Variants in FBXO30 observed in about 807,000 individuals in gnomAD.
FBXO30 encodes F-box only protein 30.
A neutral mutation model predicts 58.1 loss-of-function variants in FBXO30; 21 were observed. The observed-to-expected ratio is 0.36, with a 90% confidence interval of 0.26 to 0.52. The LOEUF (loss-of-function observed/expected upper bound fraction) is 0.52. FBXO30 is among the 20% of genes least tolerant of loss of function. The pLI, the probability that FBXO30 is intolerant of heterozygous loss-of-function variation, is 0.93. For missense variants in FBXO30, 744 were observed against 897.3 expected (o/e 0.83, Z 2.18); for synonymous variants, 309 against 312.4 (o/e 0.99, Z 0.11).
chr6:145,800,282 A>G lies in FBXO30; in HGVS notation c.2062T>C (p.Ser688Pro), dbSNP rs1777956705. ...TCAGCAAATTTCCATTCATTAACAG[A>G]ACAAAATGCAGTACTAAATCGCCAT... ...KVWRFSTAFC[S>P]VNEWKFADIL... The change falls in exon 3 of 3, where the codon TCT becomes CCT. Residue 688 changes from serine (S) to proline (P), a missense_variant. Ser to Pro is a moderately conservative substitution (Grantham distance 74). This residue lies in a region of FBXO30 where 334 missense variants were observed against 433.7 expected (regional missense o/e 0.77). Transcript: ENST00000237281. 6.2e-7 allele frequency: 1 copy of G among 1,612,746 alleles called. No homozygotes were observed. Among genetic ancestry groups the G allele is most frequent in the Non-Finnish European group, 8.5e-7 (1 of 1,179,150 alleles).
rs1002829377 is a variant in FBXO30, at chr6:145,799,012, T to C, written c.*1094A>G. ...AAACTATAATAAACTACTTCAAGAA[T>C]AGGTATATTTTTCCATTATACCTTG... is the stretch of plus-strand genomic sequence containing the variant. On this transcript the variant is annotated 3_prime_UTR_variant, in exon 3 of 3. Coordinates refer to ENST00000237281, the MANE Select transcript of FBXO30 (RefSeq NM_032145.5). 1.6e-4 allele frequency: 24 copies of C among 151,966 alleles called. 1 individual carries two copies. The highest frequency in any genetic ancestry group is 1.5e-5 in the Non-Finnish European group (1 of 67,938). The allele number at this position is 151,966 out of a possible 1,614,324, so 9.4% of individuals were successfully genotyped here.
chr6:145,796,220 A>G lies in FBXO30; in HGVS notation c.*3886T>C, dbSNP rs1021878393. The G allele has an allele frequency of 2.6e-5, 4 of 152,142 alleles. No homozygotes were observed. The highest frequency in any genetic ancestry group is 2.0e-4 in the Admixed American group (3 of 15,278). 9.4% of individuals were successfully genotyped at this position (152,142 alleles called of 1,614,324 possible). A position where few individuals can be genotyped will look rare whatever the true frequency, so the allele number is the denominator to read the frequency against. ...ACTTTAATCTTTTAAATAAAGGGAA[A>G]TAATTATGTAAAAGATGACTTCAAA... On this transcript the variant is annotated 3_prime_UTR_variant, in exon 3 of 3. Coordinates refer to ENST00000237281, the MANE Select transcript of FBXO30 (RefSeq NM_032145.5).
chr6:145,797,641 A>G lies in FBXO30; in HGVS notation c.*2465T>C, dbSNP rs910483922. On this transcript the variant is annotated 3_prime_UTR_variant, in exon 3 of 3. Coordinates refer to ENST00000237281, the MANE Select transcript of FBXO30 (RefSeq NM_032145.5). ...CCACACTTTAGGAACCACTGCTGTA[A>G]GATCTGTGAGTCTCAAAATCTAGAA... is the stretch of plus-strand genomic sequence containing the variant. 6.6e-6 allele frequency: 1 copy of G among 152,162 alleles called. No individual in the cohort carries two copies. Among genetic ancestry groups the G allele is most frequent in the East Asian group, 1.9e-4 (1 of 5,180 alleles). The allele number at this position is 152,162 out of a possible 1,614,324, so 9.4% of individuals were successfully genotyped here.
At position 145,797,655 on chromosome 6, in the gene FBXO30, C is replaced by G. The variant is rs1344696284; in HGVS notation, c.*2451G>C. The G allele has an allele frequency of 2.0e-5, 3 of 151,890 alleles. No individual in the cohort carries two copies. The highest frequency in any genetic ancestry group is 7.2e-5 in the African/African-American group (3 of 41,426). The allele number at this position is 151,890 out of a possible 1,614,324, so 9.4% of individuals were successfully genotyped here. A position where few individuals can be genotyped will look rare whatever the true frequency, so the allele number is the denominator to read the frequency against. ...CCACTGCTGTAAGATCTGTGAGTCT[C>G]AAAATCTAGAAAAAAGAGTGAGAGA... On this transcript the variant is annotated 3_prime_UTR_variant, in exon 3 of 3. Coordinates refer to ENST00000237281, the MANE Select transcript of FBXO30 (RefSeq NM_032145.5).
At chr6:145,801,114 G>T (rs1391302089) in intron 2 of FBXO30, among the ~76,000 whole-genome samples, 1 of 152,030 alleles carries the variant, frequency 6.6e-6, no homozygotes, top group African/African-American at 2.4e-5. Flanking sequence ...CTTTACAAAT[G>T]AAACATAAAG....
intron 2 of FBXO30, among the ~76,000 whole-genome samples, chr6:145,802,101 T>A (rs1337870089): frequency 6.6e-6 from 1 of 152,044 alleles, no homozygotes; most frequent in Non-Finnish European, 1.5e-5. Context: ...GAATTTACAG[T>A]CTAGTGACTG....
chr6:145,803,458 C>T (rs17223456), intron 2 of FBXO30, among the ~76,000 whole-genome samples: 1,670 of 152,120 alleles, frequency 0.011, 13 homozygotes, highest in Admixed American at 0.017. Context: ...AAAGGTGCTA[C>T]GAATAAAGTA....
chr6:145,806,289 T>G lies in FBXO30; in HGVS notation c.117A>C (p.Ala39=). The G allele has an allele frequency of 1.2e-6, 2 of 1,614,026 alleles. No homozygotes were observed. Among genetic ancestry groups the G allele is most frequent in the South Asian group, 2.2e-5 (2 of 91,082 alleles). ...DLIGCPLVCG[A]VFHSCKADEH... is the part of the protein sequence containing the mutation. ...CATCAGCTTTACAAGAATGGAAAAC[T>G]GCACCACAAACCAATGGACAACCAA... The change falls in exon 2 of 3, where the codon GCA becomes GCC. Residue 39 remains alanine, a synonymous_variant. Coordinates refer to ENST00000237281, the MANE Select transcript of FBXO30 (RefSeq NM_032145.5).
At chr6:145,807,934 C>A (rs1778224293) in intron 1 of FBXO30, among the ~76,000 whole-genome samples, 1 of 151,740 alleles carries the variant, frequency 6.6e-6, no homozygotes, top group South Asian at 2.1e-4. Flanking sequence ...TCAAGACCAG[C>A]CTGGACAACA....
intron 1 of FBXO30, among the ~76,000 whole-genome samples, chr6:145,808,378 C>G (rs773803320): frequency 5.8e-4 from 88 of 152,178 alleles, no homozygotes; most frequent in Middle Eastern, 3.4e-3. Context: ...TCTTCCTTGG[C>G]CATTGTATCC....
At chr6:145,801,920 A>G (rs1476502584) in intron 2 of FBXO30, among the ~76,000 whole-genome samples, 1 of 152,140 alleles carries the variant, frequency 6.6e-6, no homozygotes, top group Non-Finnish European at 1.5e-5. Context: ...AAACAAACTC[A>G]GGAAAAGCAG....
In FBXO30 at chr6:145,796,478, A is replaced by T. The variant is rs1197664748; in HGVS notation, c.*3628T>A. 3 of 152,020 alleles carry T rather than the reference A, an allele frequency of 2.0e-5. No homozygotes were observed. Among genetic ancestry groups the T allele is most frequent in the Non-Finnish European group, 4.4e-5 (3 of 67,912 alleles). 9.4% of individuals were successfully genotyped at this position (152,020 alleles called of 1,614,324 possible). A position where few individuals can be genotyped will look rare whatever the true frequency, so the allele number is the denominator to read the frequency against. On this transcript the variant is annotated 3_prime_UTR_variant, in exon 3 of 3. Coordinates refer to ENST00000237281, the MANE Select transcript of FBXO30 (RefSeq NM_032145.5). Reference sequence around the variant, plus strand: ...GTAAGACTACTTAACAGCAACGTTTAGATAACCAGTCAAACACCTATCAGA... The same window carrying T: ...GTAAGACTACTTAACAGCAACGTTTTGATAACCAGTCAAACACCTATCAGA...
intron 2 of FBXO30, among the ~76,000 whole-genome samples, chr6:145,802,600 T>C (rs142307003): frequency 8.5e-5 from 13 of 152,298 alleles, no homozygotes; most frequent in African/African-American, 3.1e-4. Context: ...GGAGCTGGGC[T>C]CTATCCAGGG....
At position 145,794,421 on chromosome 6, in the gene FBXO30, A is replaced by G. The variant is rs998795904; in HGVS notation, c.*5685T>C. On this transcript the variant is annotated 3_prime_UTR_variant, in exon 3 of 3. Coordinates refer to ENST00000237281, the MANE Select transcript of FBXO30 (RefSeq NM_032145.5). Reference sequence around the variant, plus strand: ...TATTCAAACATTGATCAAATGAACAATACTACTTTAACATTTTAAGTGCAA... The same window carrying G: ...TATTCAAACATTGATCAAATGAACAGTACTACTTTAACATTTTAAGTGCAA... 1 of 151,986 alleles carries G rather than the reference A, an allele frequency of 6.6e-6. No homozygotes were observed. The highest frequency in any genetic ancestry group is 1.5e-5 in the Non-Finnish European group (1 of 67,858). The allele number at this position is 151,986 out of a possible 1,614,324, so 9.4% of individuals were successfully genotyped here.
intron 1 of FBXO30, among the ~76,000 whole-genome samples, chr6:145,806,704 T>C (rs554300524): frequency 5.3e-5 from 8 of 152,298 alleles, no homozygotes; most frequent in African/African-American, 1.9e-4. Flanking sequence ...TTTCAAAATA[T>C]ACTATTTAAA....
chr6:145,805,898 C>A lies in FBXO30; in HGVS notation c.508G>T (p.Gly170Cys). 1 of 1,613,990 alleles carries A rather than the reference C, an allele frequency of 6.2e-7. No homozygotes were observed. Among genetic ancestry groups the A allele is most frequent in the Non-Finnish European group, 8.5e-7 (1 of 1,179,964 alleles). The change falls in exon 2 of 3, where the codon GGT (glycine) becomes TGT (cysteine). Residue 170 changes from glycine to cysteine, a missense_variant. Coordinates refer to ENST00000237281, the MANE Select transcript of FBXO30 (RefSeq NM_032145.5). ...SSVPEIPHAN[G>C]LVSVDEESYG... is the part of the protein sequence containing the mutation. ...GATTCTTCATCAACAGACACTAAAC[C>A]ATTAGCATGTGGTATTTCTGGGACA...
rs1777927301 is a variant in FBXO30, at chr6:145,799,255, T to A, written c.*851A>T. On this transcript the variant is annotated 3_prime_UTR_variant, in exon 3 of 3. Transcript: ENST00000237281. ...ACATTTAATAGTCAAGCCCTTTGCA[T>A]TCTGAATATTTGAAATTTACACAAT... is the stretch of plus-strand genomic sequence containing the variant. 1 of 152,510 alleles carries A rather than the reference T, an allele frequency of 6.6e-6. No individual in the cohort carries two copies. Among genetic ancestry groups the A allele is most frequent in the Non-Finnish European group, 1.5e-5 (1 of 67,974 alleles). 9.4% of individuals were successfully genotyped at this position (152,510 alleles called of 1,614,324 possible).
At position 145,806,306 on chromosome 6, in the gene FBXO30, G is replaced by A; in HGVS notation, c.100C>T (p.Pro34Ser). 2 of 1,613,976 alleles carry A rather than the reference G, an allele frequency of 1.2e-6. No homozygotes were observed. The highest frequency in any genetic ancestry group is 1.3e-5 in the African/African-American group (1 of 75,006). ...PGISCDLIGC[P>S]LVCGAVFHSC... ...TGGAAAACTGCACCACAAACCAATGGACAACCAATCAAATCACAGGAAATC... is the reference window on the plus strand; with the variant it reads ...TGGAAAACTGCACCACAAACCAATGAACAACCAATCAAATCACAGGAAATC... Residue 34 changes from proline to serine, a missense_variant, in exon 2 of 3, where the codon CCA (proline) becomes TCA (serine). This residue lies in a region of FBXO30 where 135 missense variants were observed against 201.6 expected (regional missense o/e 0.67). Transcript: ENST00000237281.
intron 1 of FBXO30, among the ~76,000 whole-genome samples, chr6:145,812,213 G>C (rs1340997871): frequency 6.6e-6 from 1 of 152,024 alleles, no homozygotes; most frequent in African/African-American, 2.4e-5. Flanking sequence ...TATTGTTCCA[G>C]ATAAAATATA....
Sources: allele counts gnomAD v4.1 joint callset (sites outside exome capture counted in the v4.1 genomes callset), GRCh38; gene constraint gnomAD v4.1.1; regional missense constraint gnomAD v4.1.1; transcripts MANE v1.5; gene names NCBI Gene and HGNC (gene_info 2026-07-23, HGNC 2026-07-21).